The following MEIKIN variants were observed in gnomAD, a reference collection of about 807,000 sequenced individuals.
The protein encoded by MEIKIN is meiosis-specific kinetochore protein.
At chr5:131,901,758 G>A (rs1351950353) in intron 8 of MEIKIN, among the ~76,000 whole-genome samples, 1 of 151,964 alleles carries the variant, frequency 6.6e-6, no homozygotes. Context: ...AAATCTTCCA[G>A]AAACAAAACC....
At chr5:131,920,603 TG>T (rs1383262053) in intron 6 of MEIKIN, among the ~76,000 whole-genome samples, 2 of 152,116 alleles carry the variant, frequency 1.3e-5, no homozygotes, top group Non-Finnish European at 2.9e-5. Flanking sequence ...CAAATAAAAA[TG>T]GGGGGACATC....
chr5:131,823,281 C>T (rs1259937026), intron 11 of MEIKIN, among the ~76,000 whole-genome samples: 1 of 151,948 alleles, frequency 6.6e-6, no homozygotes, highest in Non-Finnish European at 1.5e-5. Context: ...AACTTTCTAC[C>T]CTATCTCTTT....
At chr5:131,845,225 G>GCAC (rs1749993578) in intron 11 of MEIKIN, among the ~76,000 whole-genome samples, 2 of 138,902 alleles carry the variant, frequency 1.4e-5, no homozygotes, top group African/African-American at 5.8e-5. Context: ...AGCCGAGATG[G>GCAC]CACCACTGCA....
chr5:131,936,504 T>C (rs1461833191), intron 4 of MEIKIN, among the ~76,000 whole-genome samples: 1 of 152,250 alleles, frequency 6.6e-6, no homozygotes, highest in African/African-American at 2.4e-5. Flanking sequence ...TGCTACAATT[T>C]CTTTTCCTTT....
At chr5:131,937,958 A>C (rs1751808478) in intron 4 of MEIKIN, among the ~76,000 whole-genome samples, 1 of 151,984 alleles carries the variant, frequency 6.6e-6, no homozygotes, top group African/African-American at 2.4e-5. Context: ...TGGCTCTTTC[A>C]GTAAATACAC....
chr5:131,942,825 T>A (rs7706750), intron 3 of MEIKIN, 130 bp from the exon 4 acceptor site: 1 of 373,124 alleles, frequency 2.7e-6, no homozygotes, highest in African/African-American at 2.1e-5. Context: ...ATATAATACA[T>A]TCATTCAGTT....
chr5:131,885,844 C>T (rs568114852), intron 8 of MEIKIN, among the ~76,000 whole-genome samples: 18 of 152,070 alleles, frequency 1.2e-4, no homozygotes, highest in Non-Finnish European at 1.9e-4. Flanking sequence ...CCTGGAGAAA[C>T]GGAGATACAT....
rs115313476 is a variant in MEIKIN, at chr5:131,930,294, T to C, written c.478+3219A>G. On this transcript the variant is annotated intron_variant, in intron 5 of 12. Transcript: ENST00000442687. ...TCTAATGAGAAGAAGACATACTTCT[T>C]TAGTCTTCTTTATATTCATGTCCTC... Among the ~76,000 whole-genome samples the C allele has an allele frequency of 6.0e-4, 92 of 152,344 alleles. 1 individual carries two copies. Among genetic ancestry groups the C allele is most frequent in the African/African-American group, 2.1e-3 (89 of 41,590 alleles).
At chr5:131,846,648 C>T in intron 11 of MEIKIN, among the ~76,000 whole-genome samples, 1 of 152,090 alleles carries the variant, frequency 6.6e-6, no homozygotes, top group East Asian at 1.9e-4. Flanking sequence ...TGACAAAACC[C>T]TGTCTCTACA....
chr5:131,838,787 T>G (rs1418244003), intron 11 of MEIKIN, among the ~76,000 whole-genome samples: 1 of 152,058 alleles, frequency 6.6e-6, no homozygotes. Flanking sequence ...TTGTATTTTT[T>G]TTTTCCAAAA....
At chr5:131,835,092 T>C (rs1240705905) in intron 11 of MEIKIN, among the ~76,000 whole-genome samples, 1 of 152,084 alleles carries the variant, frequency 6.6e-6, no homozygotes, top group African/African-American at 2.4e-5. Context: ...ATGTCTTTTT[T>C]GGAGAAATGG....
At chr5:131,926,295 G>A (rs189145328) in intron 5 of MEIKIN, among the ~76,000 whole-genome samples, 90 of 152,194 alleles carry the variant, frequency 5.9e-4, no homozygotes, top group Middle Eastern at 3.4e-3. Flanking sequence ...TGAAATTATC[G>A]TGTAATTGTT....
intron 9 of MEIKIN, among the ~76,000 whole-genome samples, chr5:131,878,156 A>G (rs1170380550): frequency 1.3e-5 from 2 of 152,374 alleles, no homozygotes; most frequent in Admixed American, 1.3e-4. Context: ...TTAAACTTAT[A>G]TAGAGTATAT....
intron 9 of MEIKIN, among the ~76,000 whole-genome samples, chr5:131,865,785 T>A (rs1750373355): frequency 6.6e-6 from 1 of 152,256 alleles, no homozygotes; most frequent in African/African-American, 2.4e-5. Flanking sequence ...TTTGTATGAT[T>A]TCTTTGGCTG....
At chr5:131,901,571 CTTT>C (rs1751157591) in intron 8 of MEIKIN, among the ~76,000 whole-genome samples, 1 of 152,220 alleles carries the variant, frequency 6.6e-6, no homozygotes, top group South Asian at 2.1e-4. Context: ...CTGTGAAGAG[CTTT>C]GGCTGGCACC....
intron 6 of MEIKIN, among the ~76,000 whole-genome samples, chr5:131,919,791 G>T (rs1280414306): frequency 6.6e-6 from 1 of 152,192 alleles, no homozygotes; most frequent in Non-Finnish European, 1.5e-5. Flanking sequence ...GGGGTAGAAA[G>T]AAGAGAAGAA....
chr5:131,828,001 C>T (rs142964731), intron 11 of MEIKIN, among the ~76,000 whole-genome samples: 3,147 of 150,658 alleles, frequency 0.021, 53 homozygotes, highest in Admixed American at 0.067. Flanking sequence ...AACATGCCAC[C>T]GCACTCCAGC....
chr5:131,886,763 A>G (rs986590807), intron 8 of MEIKIN, among the ~76,000 whole-genome samples: 2 of 152,194 alleles, frequency 1.3e-5, no homozygotes, highest in Non-Finnish European at 2.9e-5. Flanking sequence ...ACAAAGTATT[A>G]TAACAGTGTA....
chr5:131,922,567 C>A (rs1182431683), intron 5 of MEIKIN, among the ~76,000 whole-genome samples: 1 of 152,014 alleles, frequency 6.6e-6, no homozygotes, highest in Non-Finnish European at 1.5e-5. Context: ...TTTTGGTATC[C>A]AAGGGAGGTC....
Sources: gnomAD v4.1 joint callset for allele counts (sites outside exome capture counted in the v4.1 genomes callset) on GRCh38, gnomAD v4.1.1 for gene constraint, MANE v1.5 for transcripts, NCBI Gene and HGNC (gene_info 2026-07-23, HGNC 2026-07-21) for gene names.